The following FANCA variants were observed in gnomAD, a reference collection of about 807,000 sequenced individuals.
The protein encoded by FANCA is Fanconi anemia group A protein.
In FANCA, 236 loss-of-function variants were observed where a neutral mutation model predicts 194.3. The observed-to-expected ratio is 1.21, with a 90% CI of 1.09 to 1.35. The LOEUF (loss-of-function observed/expected upper bound fraction) is 1.35, where lower values mean the gene tolerates loss of function less well. Ranked by LOEUF, FANCA falls within the 40% of genes most tolerant of loss-of-function variation. The pLI, the probability that FANCA is intolerant of heterozygous loss-of-function variation, is 0.00. For synonymous variants in FANCA, 1,014 were observed against 715.8 expected, an observed-to-expected ratio of 1.42 and a Z score of -6.65; for missense variants, 2,628 against 1,813.9, an observed-to-expected ratio of 1.45 and a Z score of -8.15.
intron 42 of FANCA, 43 bp downstream of exon 42, chr16:89,738,839 C>T (rs753103430): frequency 6.2e-7 from 1 of 1,614,180 alleles, no homozygotes; most frequent in Non-Finnish European, 8.5e-7. Context: ...GCTGTCAATT[C>T]TCATGTCCCC....
At chr16:89,758,311 C>T (rs1204259901) in intron 30 of FANCA, among the ~76,000 whole-genome samples, 1 of 152,208 alleles carries the variant, frequency 6.6e-6, no homozygotes, top group Non-Finnish European at 1.5e-5. Flanking sequence ...ATTCTTAGAA[C>T]TACCATGATT....
At position 89,737,593 on chromosome 16, in the gene FANCA, A is replaced by C; in HGVS notation, c.*1008T>G. 1 of 839,342 alleles carries C rather than the reference A, an allele frequency of 1.2e-6. No individual in the cohort carries two copies. Among genetic ancestry groups the C allele is most frequent in the South Asian group, 2.0e-5 (1 of 49,902 alleles). The allele number at this position is 839,342 out of a possible 1,614,324, so 52.0% of individuals were successfully genotyped here. ...AGGTTTCTTTAAAAACCATCCTGAA[A>C]TGCACACAGCTGATGAAGCCACGTG... On this transcript the variant is annotated 3_prime_UTR_variant, in exon 43 of 43. Transcript: ENST00000389301.
Position 89,808,339 on chromosome 16 carries a change from T to A in FANCA, c.551A>T (p.His184Leu), listed in dbSNP as rs1466495405. 2.5e-6 allele frequency: 4 copies of A among 1,614,022 alleles called. No homozygotes were observed. Among genetic ancestry groups the A allele is most frequent in the Non-Finnish European group, 2.5e-6 (3 of 1,180,028 alleles). Residue 184 changes from histidine (H) to leucine (L), a missense_variant, in exon 6 of 43, where the codon CAT becomes CTT. His to Leu is a moderately conservative substitution (Grantham distance 99, BLOSUM62 -3). Coordinates refer to ENST00000389301, the MANE Select transcript of FANCA (RefSeq NM_000135.4). ...QSSLLLEAVWHLHVQGIVSLQ... is the reference protein window; with the variant it reads ...QSSLLLEAVWLLHVQGIVSLQ... Reference sequence around the variant, plus strand: ...GCTCACAATGCCTTGTACGTGAAGATGCCACACCGCTTCAAGCAACAAAGA... The same window carrying A: ...GCTCACAATGCCTTGTACGTGAAGAAGCCACACCGCTTCAAGCAACAAAGA...
rs192175332 is a variant in FANCA at position 89,755,468 on chromosome 16, G to A, written c.2981+3109C>T. On this transcript the variant is annotated intron_variant, in intron 30 of 42. Coordinates refer to ENST00000389301, the MANE Select transcript of FANCA (RefSeq NM_000135.4). ...GATCTGCCCGCCTCAGCCTCCCAAA[G>A]TGCTGGGATTACAGGCGTGAGCCAC... Among the ~76,000 whole-genome samples the A allele has an allele frequency of 4.4e-4, 67 of 152,208 alleles. 1 individual carries two copies. In the South Asian group the frequency reaches 8.7e-3, roughly 20 times the overall value.
Position 89,792,486 on chromosome 16 carries a change from G to C in FANCA, c.1068C>G (p.Thr356=), listed in dbSNP as rs1161525939. ...ATCCACTCACCCTGCGGTACAGTGAGGTGAGCAGAGGGTGTGTCCGCGCAA... is the reference window on the plus strand; with the variant it reads ...ATCCACTCACCCTGCGGTACAGTGACGTGAGCAGAGGGTGTGTCCGCGCAA... ...WSFARTHPLL[T]SLYRRLFVML... The change falls in exon 12 of 43, where the codon ACC becomes ACG. Residue 356 remains threonine (T), a synonymous_variant. Transcript: ENST00000389301. 12 of 1,613,290 alleles carry C rather than the reference G, an allele frequency of 7.4e-6. No homozygotes were observed. The highest frequency in any genetic ancestry group is 1.0e-5 in the Non-Finnish European group (12 of 1,179,996).
At chr16:89,800,693 A>C (rs757241088) in intron 8 of FANCA, among the ~76,000 whole-genome samples, 1 of 152,198 alleles carries the variant, frequency 6.6e-6, no homozygotes, top group Non-Finnish European at 1.5e-5. Context: ...AAACAGCATG[A>C]GGTTGATATA....
In FANCA at chr16:89,810,812, G is replaced by C. The variant is rs766856688; in HGVS notation, c.427-10C>G. On this transcript the variant is annotated splice_polypyrimidine_tract_variant and intron_variant, in intron 4 of 42. Coordinates refer to ENST00000389301, the MANE Select transcript of FANCA (RefSeq NM_000135.4). ...GGGAAGACAGCTTCTTCTGAAAAGA[G>C]AGATTACATTTTTTAAAAAACAAAT... The C allele has an allele frequency of 6.2e-7, 1 of 1,612,382 alleles. No homozygotes were observed. The highest frequency in any genetic ancestry group is 8.5e-7 in the Non-Finnish European group (1 of 1,178,360).
chr16:89,759,759 TCAAA>T (rs746895786), intron 29 of FANCA, among the ~76,000 whole-genome samples: 25 of 152,238 alleles, frequency 1.6e-4, no homozygotes, highest in East Asian at 1.5e-3. Flanking sequence ...AGACCCTGTC[TCAAA>T]CAAACAAACA....
At chr16:89,769,657 C>G in intron 26 of FANCA, 180 bp downstream of exon 26, 2 of 691,680 alleles carry the variant, frequency 2.9e-6, no homozygotes, top group Non-Finnish European at 5.1e-6. Context: ...AAGAAACAAA[C>G]GCACGCATAT....
chr16:89,775,938 A>G (rs1046222736), intron 20 of FANCA, 123 bp from the exon 21 acceptor site: 3 of 566,718 alleles, frequency 5.3e-6, no homozygotes, highest in Non-Finnish European at 9.2e-6. Context: ...AATACTGTGT[A>G]CAGTATGAGC....
intron 8 of FANCA, among the ~76,000 whole-genome samples, chr16:89,801,178 T>C (rs1487353643): frequency 6.6e-6 from 1 of 151,622 alleles, no homozygotes; most frequent in African/African-American, 2.4e-5. Context: ...AGCCCATCTC[T>C]ACTAAAAATA....
At chr16:89,795,809 A>G (rs2040226311) in intron 11 of FANCA, 97 bp downstream of exon 11, 2 of 865,866 alleles carry the variant, frequency 2.3e-6, no homozygotes, top group Non-Finnish European at 4.0e-6. Context: ...AAGAGGTCCT[A>G]GAATTCCTGG....
chr16:89,769,868 T>C lies in FANCA; in HGVS notation c.2473A>G (p.Arg825Gly), dbSNP rs1401733876. Reference protein sequence around the residue: ...PALFDSLLTCRTRDSLFFCLK... With the variant: ...PALFDSLLTCGTRDSLFFCLK... ...CAGAAGAACAAGGAATCCCTCGTCC[T>C]ACAGGTCAGGAGGCTGTCAAAGAGC... The change falls in exon 26 of 43, where the codon AGG (arginine) becomes GGG (glycine). Residue 825 changes from arginine to glycine, a missense_variant. Physicochemically the swap from Arg to Gly is moderately radical, Grantham distance 125. Coordinates refer to ENST00000389301, the MANE Select transcript of FANCA (RefSeq NM_000135.4). The C allele has an allele frequency of 2.5e-6, 4 of 1,614,160 alleles. No individual in the cohort carries two copies. The highest frequency in any genetic ancestry group is 3.3e-5 in the Admixed American group (2 of 60,014).
intron 35 of FANCA, 108 bp from the exon 36 acceptor site, chr16:89,745,179 C>CA (rs1231109408): frequency 9.6e-7 from 1 of 1,043,234 alleles, no homozygotes; most frequent in Non-Finnish European, 1.4e-6. Context: ...TACAGGCCCA[C>CA]ACTCGCCCTG....
At chr16:89,805,522 C>G in intron 6 of FANCA, 130 bp from the exon 7 acceptor site, 1 of 680,878 alleles carries the variant, frequency 1.5e-6, no homozygotes, top group Non-Finnish European at 2.7e-6. Flanking sequence ...AGTGCAGTGG[C>G]GCAATCAGTC....
intron 13 of FANCA, 81 bp from the exon 14 acceptor site, chr16:89,791,617 G>A: frequency 6.4e-7 from 1 of 1,573,686 alleles, no homozygotes; most frequent in Non-Finnish European, 8.6e-7. Context: ...GGGTGATCAA[G>A]TATTCCAGAA....
intron 26 of FANCA, among the ~76,000 whole-genome samples, chr16:89,767,499 C>T (rs1039625907): frequency 6.6e-6 from 1 of 152,136 alleles, no homozygotes; most frequent in African/African-American, 2.4e-5. Context: ...TCCCAGGTAG[C>T]TGGGATTACA....
intron 32 of FANCA, 129 bp downstream of exon 32, chr16:89,749,601 G>T: frequency 1.7e-6 from 2 of 1,181,432 alleles, no homozygotes; most frequent in Non-Finnish European, 2.5e-6. Context: ...AAATGGACAG[G>T]CTTGGGGTGG....
At chr16:89,792,418 C>G in intron 12 of FANCA, 53 bp downstream of exon 12, 1 of 1,565,910 alleles carries the variant, frequency 6.4e-7, no homozygotes, top group African/African-American at 1.3e-5. Flanking sequence ...CTAGGCAGAT[C>G]TTAATCCCCC....
Sources: gnomAD v4.1 joint callset for allele counts (sites outside exome capture counted in the v4.1 genomes callset) on GRCh38, gnomAD v4.1.1 for gene constraint, MANE v1.5 for transcripts, NCBI Gene and HGNC (gene_info 2026-07-23, HGNC 2026-07-21) for gene names.